Variants in HDAC9 observed in about 807,000 individuals in gnomAD.
HDAC9 encodes the protein MEF-2 interacting transcription repressor (MITR) protein.
Under a neutral mutation model 139.4 loss-of-function variants are expected in HDAC9, and 41 were observed. The observed-to-expected ratio is 0.29, with a 90% CI of 0.23 to 0.38. The LOEUF (loss-of-function observed/expected upper bound fraction) is 0.38, where lower values mean the gene tolerates loss of function less well. HDAC9 is among the 10% of genes least tolerant of loss of function. HDAC9 has a pLI of 1.00. For missense variants in HDAC9, 1,147 were observed against 1,297.0 expected (o/e 0.88, Z 1.78); for synonymous variants, 517 against 476.2 (o/e 1.09, Z -1.12).
At chr7:18,785,066 C>T (rs967492135) in intron 16 of HDAC9, among the ~76,000 whole-genome samples, 2 of 151,468 alleles carry the variant, frequency 1.3e-5, no homozygotes, top group African/African-American at 2.4e-5. Context: ...ATAATTATTT[C>T]TTTTTGAAAT....
At chr7:18,626,159 G>A (rs1043749299) in intron 6 of HDAC9, among the ~76,000 whole-genome samples, 3 of 151,918 alleles carry the variant, frequency 2.0e-5, no homozygotes, top group Non-Finnish European at 4.4e-5. Context: ...AGAGAGGGGA[G>A]GAAATTTTTC....
At chr7:18,111,160 C>G (rs1385920455) in intron 1 of HDAC9, among the ~76,000 whole-genome samples, 2 of 152,262 alleles carry the variant, frequency 1.3e-5, no homozygotes, top group East Asian at 3.9e-4. Context: ...GTGGGAGAGA[C>G]AGACGTAAAT....
At chr7:18,568,186 A>G (rs1157424029) in intron 2 of HDAC9, among the ~76,000 whole-genome samples, 1 of 151,836 alleles carries the variant, frequency 6.6e-6, no homozygotes, top group Non-Finnish European at 1.5e-5. Context: ...AGGGTATACA[A>G]TCTCTGTCTC....
At chr7:18,403,466 C>T (rs1176412223) in intron 1 of HDAC9, among the ~76,000 whole-genome samples, 1 of 152,032 alleles carries the variant, frequency 6.6e-6, no homozygotes, top group African/African-American at 2.4e-5. Context: ...TGTTATTTTC[C>T]TGGGTCTTTT....
chr7:18,992,043 G>A (rs543137386), intron 25 of HDAC9, among the ~76,000 whole-genome samples: 2 of 152,238 alleles, frequency 1.3e-5, no homozygotes, highest in Admixed American at 1.3e-4. Context: ...TGGGGCTTTA[G>A]AGCCTCACTG....
At position 18,644,809 on chromosome 7, in the gene HDAC9, G is replaced by C. The variant is rs375169293; in HGVS notation, c.1035+16G>C. 89 of 1,604,420 alleles carry C rather than the reference G, an allele frequency of 5.5e-5. 1 individual carries two copies. The highest frequency in any genetic ancestry group is 7.1e-5 in the Non-Finnish European group (84 of 1,175,702). On this transcript the variant is annotated intron_variant, in intron 9 of 25. Coordinates refer to ENST00000686413, the MANE Select transcript of HDAC9 (RefSeq NM_178425.4). ...CCAGCTCAATGTAAGTCATTGCACA[G>C]CATCAGCCTTAATCAACCTAAGCAA...
intron 1 of HDAC9, among the ~76,000 whole-genome samples, chr7:18,338,586 A>G (rs1781760315): frequency 1.3e-5 from 2 of 151,654 alleles, no homozygotes; most frequent in South Asian, 2.1e-4. Flanking sequence ...TTCTATTAAT[A>G]TGGCATCTTT....
chr7:18,272,783 A>G (rs952292089), intron 2 of HDAC9, among the ~76,000 whole-genome samples: 5 of 152,240 alleles, frequency 3.3e-5, no homozygotes, highest in East Asian at 1.9e-4. Context: ...GACCTTAACA[A>G]ATTTTTAAAT....
intron 1 of HDAC9, among the ~76,000 whole-genome samples, chr7:18,479,545 T>C (rs1187292348): frequency 6.6e-6 from 1 of 152,186 alleles, no homozygotes; most frequent in Non-Finnish European, 1.5e-5. Flanking sequence ...GCTTAACAAA[T>C]AACTCCTGAA....
chr7:18,819,296 T>A (rs939679442), intron 17 of HDAC9, among the ~76,000 whole-genome samples: 4 of 152,018 alleles, frequency 2.6e-5, no homozygotes, highest in East Asian at 1.9e-4. Context: ...ATAATAATAA[T>A]AAATAAATTT....
chr7:18,491,867 C>G (rs1796394454), upstream of HDAC9, among the ~76,000 whole-genome samples: 1 of 151,900 alleles, frequency 6.6e-6, no homozygotes. Flanking sequence ...CTAATCCACT[C>G]AAACTCACAC....
chr7:18,507,677 G>A (rs1800238859), intron 2 of HDAC9, among the ~76,000 whole-genome samples: 1 of 152,118 alleles, frequency 6.6e-6, no homozygotes, highest in African/African-American at 2.4e-5. Flanking sequence ...TTTTAGTAAA[G>A]ATGGGGTTTC....
chr7:18,160,125 G>T (rs1787522911), intron 1 of HDAC9, among the ~76,000 whole-genome samples: 1 of 152,158 alleles, frequency 6.6e-6, no homozygotes, highest in Admixed American at 6.5e-5. Context: ...AAATACACAA[G>T]TATCAATTGT....
At chr7:18,792,316 T>C (rs921201338) in intron 16 of HDAC9, among the ~76,000 whole-genome samples, 1 of 151,500 alleles carries the variant, frequency 6.6e-6, no homozygotes, top group African/African-American at 2.4e-5. Flanking sequence ...TCCCCTTTGA[T>C]CCATTTGGGA....
chr7:18,680,817 T>G (rs1781843508), intron 12 of HDAC9, among the ~76,000 whole-genome samples: 1 of 152,032 alleles, frequency 6.6e-6, no homozygotes, highest in African/African-American at 2.4e-5. Flanking sequence ...GAACAATATC[T>G]TGGCTTTGTT....
rs149206106 is a variant in HDAC9 at position 18,418,663 on chromosome 7, A to C, written c.-41-77599A>C. Among the ~76,000 whole-genome samples the C allele has an allele frequency of 5.9e-3, 903 of 152,250 alleles. 8 individuals carry two copies. Among genetic ancestry groups the C allele is most frequent in the African/African-American group, 0.021 (857 of 41,578 alleles). On this transcript the variant is annotated intron_variant, in intron 1 of 3. Transcript: ENST00000413509. ...AAAGGACTTTATTTTTTACTTTGTCATTCTTATTAGTGATAAAATTTTATG... is the reference window on the plus strand; with the variant it reads ...AAAGGACTTTATTTTTTACTTTGTCCTTCTTATTAGTGATAAAATTTTATG...
chr7:18,212,123 T>G (rs1252037788), intron 2 of HDAC9, among the ~76,000 whole-genome samples: 2 of 152,206 alleles, frequency 1.3e-5, no homozygotes, highest in African/African-American at 2.4e-5. Flanking sequence ...CCAGCACCTA[T>G]GTCTGACTTC....
chr7:18,995,954 A>T, intron 25 of HDAC9, 69 bp from the exon 26 acceptor site: 1 of 1,157,844 alleles, frequency 8.6e-7, no homozygotes, highest in East Asian at 2.5e-5. Flanking sequence ...AGCTTTGATT[A>T]TGCATGAAAA....
intron 2 of HDAC9, among the ~76,000 whole-genome samples, chr7:18,195,556 A>G (rs1365993836): frequency 6.6e-6 from 1 of 152,192 alleles, no homozygotes; most frequent in Non-Finnish European, 1.5e-5. Flanking sequence ...CTTTAGGATC[A>G]GTGATAAGGG....
Sources: gnomAD v4.1 joint callset for allele counts (sites outside exome capture counted in the v4.1 genomes callset) on GRCh38, gnomAD v4.1.1 for gene constraint, MANE v1.5 for transcripts, NCBI Gene and HGNC (gene_info 2026-07-23, HGNC 2026-07-21) for gene names.